The following CNBD1 variants were observed in gnomAD, a reference collection of about 807,000 sequenced individuals.
CNBD1 encodes cyclic nucleotide binding domain containing 1, also known as cyclic nucleotide-binding domain-containing protein 1.
Under a neutral mutation model 54.4 loss-of-function variants are expected in CNBD1, and 71 were observed. The ratio of observed to expected loss-of-function variants is 1.30; its 90% CI spans 1.08 to 1.59. The LOEUF is 1.59. CNBD1 is among the 40% of genes most tolerant of loss of function. CNBD1 has a pLI of 0.00. For missense variants in CNBD1, 659 were observed against 518.0 expected (o/e 1.27, Z -2.64); for synonymous variants, 182 against 170.7 (o/e 1.07, Z -0.51).
intron 3 of CNBD1, among the ~76,000 whole-genome samples, chr8:86,929,480 A>G (rs1348105025): frequency 6.6e-6 from 1 of 152,186 alleles, no homozygotes; most frequent in Non-Finnish European, 1.5e-5. Context: ...CACTCTCCAC[A>G]AATGAACTTC....
intron 4 of CNBD1, among the ~76,000 whole-genome samples, chr8:86,989,232 T>C (rs2130523951): frequency 6.6e-6 from 1 of 152,186 alleles, no homozygotes; most frequent in East Asian, 1.9e-4. Context: ...AGATCAAGGC[T>C]GCAGTGAGCT....
chr8:87,014,549 A>G (rs552368030), intron 4 of CNBD1, among the ~76,000 whole-genome samples: 1 of 152,220 alleles, frequency 6.6e-6, no homozygotes, highest in East Asian at 1.9e-4. Flanking sequence ...AATATATTAA[A>G]TATTTGCTAT....
chr8:87,001,190 T>G (rs1440927382), intron 4 of CNBD1, among the ~76,000 whole-genome samples: 3 of 152,110 alleles, frequency 2.0e-5, no homozygotes, highest in Non-Finnish European at 4.4e-5. Flanking sequence ...GCTTTTATTT[T>G]ATTTACATAG....
chr8:87,026,584 ATAAC>A (rs1395622696), intron 4 of CNBD1, among the ~76,000 whole-genome samples: 1 of 152,158 alleles, frequency 6.6e-6, no homozygotes, highest in Non-Finnish European at 1.5e-5. Context: ...TTTTTAAAAA[ATAAC>A]TAGTCATTTT....
chr8:87,379,199 G>A (rs1228008128), intron 10 of CNBD1, among the ~76,000 whole-genome samples: 1 of 151,944 alleles, frequency 6.6e-6, no homozygotes, highest in East Asian at 1.9e-4. Context: ...ATGTTGAATA[G>A]GAGTGGTGAG....
At chr8:87,123,830 T>G (rs1255025992) in intron 4 of CNBD1, among the ~76,000 whole-genome samples, 4 of 151,512 alleles carry the variant, frequency 2.6e-5, no homozygotes, top group Non-Finnish European at 4.4e-5. Context: ...GCACACATTA[T>G]AACTGATATT....
intron 4 of CNBD1, among the ~76,000 whole-genome samples, chr8:87,093,333 C>T (rs1005679872): frequency 6.6e-6 from 1 of 152,000 alleles, no homozygotes; most frequent in African/African-American, 2.4e-5. Context: ...AGTAGCATGG[C>T]GTTGTGTGGT....
At chr8:87,034,838 G>A (rs2130599818) in intron 4 of CNBD1, among the ~76,000 whole-genome samples, 1 of 152,164 alleles carries the variant, frequency 6.6e-6, no homozygotes, top group East Asian at 1.9e-4. Flanking sequence ...TCAAATTCAT[G>A]TTGTTCAAGG....
At chr8:86,984,863 T>A (rs1425464721) in intron 4 of CNBD1, among the ~76,000 whole-genome samples, 2 of 152,110 alleles carry the variant, frequency 1.3e-5, no homozygotes, top group African/African-American at 4.8e-5. Context: ...CTGTGAACTT[T>A]TGAGTTAATG....
chr8:87,052,959 G>A lies in CNBD1; in HGVS notation c.431+113205G>A, dbSNP rs1034890648. The stretch of plus-strand genomic sequence containing the variant: ...CAGGCATAATAGTGAAGTCAAGGGA[G>A]TTGGAGGCTTTGGAGTGGATGGTGC... On this transcript the variant is annotated intron_variant, in intron 4 of 10. Coordinates refer to ENST00000518476, the MANE Select transcript of CNBD1 (RefSeq NM_173538.3). Among the ~76,000 whole-genome samples, 9 of 151,284 alleles carry A rather than the reference G, an allele frequency of 5.9e-5. 1 individual carries two copies. The highest frequency in any genetic ancestry group is 1.9e-4 in the African/African-American group (8 of 41,132).
At chr8:87,025,828 C>T (rs371354647) in intron 4 of CNBD1, among the ~76,000 whole-genome samples, 26 of 152,008 alleles carry the variant, frequency 1.7e-4, no homozygotes, top group African/African-American at 5.1e-4. Context: ...ATACTCACCA[C>T]GACTGTCTGC....
chr8:87,324,929 T>C (rs1239558472), intron 8 of CNBD1, among the ~76,000 whole-genome samples: 1 of 109,274 alleles, frequency 9.2e-6, no homozygotes, highest in Admixed American at 8.2e-5. Context: ...TGCTTTCTCT[T>C]GTGGGCATTC....
chr8:87,160,373 A>G (rs975517394), intron 4 of CNBD1, among the ~76,000 whole-genome samples: 3 of 152,088 alleles, frequency 2.0e-5, no homozygotes, highest in African/African-American at 7.2e-5. Context: ...AGTCTATAAT[A>G]TCATTTTATC....
intron 5 of CNBD1, among the ~76,000 whole-genome samples, chr8:87,219,360 A>G (rs16897613): frequency 0.057 from 8,636 of 152,120 alleles, 793 homozygotes; most frequent in African/African-American, 0.18. Context: ...TCATCAGCAC[A>G]TAGGTCCTCT....
chr8:87,051,900 C>T (rs972493220), intron 4 of CNBD1, among the ~76,000 whole-genome samples: 1 of 152,158 alleles, frequency 6.6e-6, no homozygotes, highest in Non-Finnish European at 1.5e-5. Flanking sequence ...AGATCTAAGT[C>T]CCAGGATCCA....
At chr8:86,955,712 T>G (rs1456205481) in intron 4 of CNBD1, among the ~76,000 whole-genome samples, 1 of 152,210 alleles carries the variant, frequency 6.6e-6, no homozygotes. Context: ...CAAAGTTCTA[T>G]GTAGATTCTG....
At chr8:86,957,644 T>C (rs1807812937) in intron 4 of CNBD1, among the ~76,000 whole-genome samples, 1 of 152,210 alleles carries the variant, frequency 6.6e-6, no homozygotes, top group Non-Finnish European at 1.5e-5. Flanking sequence ...TCTCTGATGG[T>C]AGTTTGTATT....
At chr8:87,096,558 A>T (rs921643076) in intron 4 of CNBD1, among the ~76,000 whole-genome samples, 5 of 152,174 alleles carry the variant, frequency 3.3e-5, no homozygotes, top group African/African-American at 9.7e-5. Flanking sequence ...AATGCTGGAA[A>T]GCATGATTAC....
intron 4 of CNBD1, among the ~76,000 whole-genome samples, chr8:87,100,904 C>T (rs551120959): frequency 6.6e-6 from 1 of 152,282 alleles, no homozygotes; most frequent in Non-Finnish European, 1.5e-5. Flanking sequence ...CTACCAAAAT[C>T]CTTGTCTTCC....
Sources: gnomAD v4.1 joint callset for allele counts (sites outside exome capture counted in the v4.1 genomes callset) on GRCh38, gnomAD v4.1.1 for gene constraint, MANE v1.5 for transcripts, NCBI Gene and HGNC (gene_info 2026-07-23, HGNC 2026-07-21) for gene names.